Variants in CUBN observed in about 807,000 individuals in gnomAD.
The protein encoded by CUBN is cubilin.
CUBN carries 282 observed loss-of-function variants against 405.3 expected under a neutral mutation model. The observed-to-expected ratio is 0.70, with a 90% CI of 0.63 to 0.77. The LOEUF (loss-of-function observed/expected upper bound fraction) is 0.77. Among genes scored for constraint, CUBN ranks in the 30% least tolerant of loss-of-function variants. CUBN has a pLI of 0.00. For missense variants in CUBN, 4,514 were observed against 4,475.2 expected, an observed-to-expected ratio of 1.01 and a Z score of -0.25; for synonymous variants, 1,684 against 1,617.0, an observed-to-expected ratio of 1.04 and a Z score of -0.99.
At chr10:16,870,688 A>G (rs576520792) in intron 58 of CUBN, among the ~76,000 whole-genome samples, 1 of 152,372 alleles carries the variant, frequency 6.6e-6, no homozygotes, top group Non-Finnish European at 1.5e-5. Context: ...TTGGATGACC[A>G]CGATGAGCAG....
chr10:16,901,186 A>T, intron 52 of CUBN, 152 bp downstream of exon 52: 1 of 1,083,890 alleles, frequency 9.2e-7, no homozygotes, highest in Non-Finnish European at 1.4e-6. Context: ...TATGTGCTCT[A>T]GTGAGAAAAT....
chr10:17,012,429 A>C (rs1205560845), intron 28 of CUBN, among the ~76,000 whole-genome samples: 1 of 152,224 alleles, frequency 6.6e-6, no homozygotes, highest in African/African-American at 2.4e-5. Flanking sequence ...CTCCTTTCTC[A>C]GCAGTGAGGA....
chr10:17,085,193 C>T (rs1836078442), intron 16 of CUBN, among the ~76,000 whole-genome samples: 1 of 152,158 alleles, frequency 6.6e-6, no homozygotes, highest in South Asian at 2.1e-4. Context: ...GAGTCTGGGA[C>T]ACTGTGATGC....
chr10:17,113,122 G>A (rs111599137), intron 8 of CUBN, among the ~76,000 whole-genome samples: 3,420 of 151,982 alleles, frequency 0.023, 134 homozygotes, highest in African/African-American at 0.078. Context: ...AAAATTAGCC[G>A]GGTGTGGTGA....
At chr10:16,908,428 A>G (rs529115680) in intron 48 of CUBN, among the ~76,000 whole-genome samples, 6 of 152,360 alleles carry the variant, frequency 3.9e-5, no homozygotes, top group African/African-American at 1.2e-4. Context: ...TACTGGTGTG[A>G]GCCACAGCAC....
At chr10:16,876,023 G>C (rs1276339129) in intron 57 of CUBN, among the ~76,000 whole-genome samples, 3 of 152,324 alleles carry the variant, frequency 2.0e-5, no homozygotes, top group African/African-American at 7.2e-5. Context: ...GATGCCGATA[G>C]CAGCTAATGT....
In CUBN at chr10:16,898,995, C is replaced by A. The variant is rs749516313; in HGVS notation, c.8598+1G>T. ...CCAATTAAATGAACAAGTGTACTAA[C>A]CTTCACGAAGCTATTCTGACATTGT... is the stretch of plus-strand genomic sequence containing the variant. On this transcript the variant is annotated splice_donor_variant, in intron 54 of 66. Coordinates refer to ENST00000377833, the MANE Select transcript of CUBN (RefSeq NM_001081.4). LOFTEE classifies it high-confidence loss of function. 3.1e-6 allele frequency: 5 copies of A among 1,603,502 alleles called. No homozygotes were observed. The African/African-American group carries it at 5.4e-5, about 17-fold the overall frequency.
chr10:17,023,731 C>T (rs1431921597), intron 27 of CUBN: 2 of 396,836 alleles, frequency 5.0e-6, no homozygotes, highest in African/African-American at 4.1e-5. Context: ...AATTGAGTTA[C>T]AGAAAGGAAA....
chr10:17,064,962 T>C (rs1227871435), intron 22 of CUBN, among the ~76,000 whole-genome samples: 1 of 152,232 alleles, frequency 6.6e-6, no homozygotes, highest in East Asian at 1.9e-4. Context: ...TTTTTATACA[T>C]TGTTATTCTG....
chr10:16,878,770 A>G (rs1030326188), intron 56 of CUBN, among the ~76,000 whole-genome samples: 18 of 152,122 alleles, frequency 1.2e-4, no homozygotes, highest in Admixed American at 6.5e-4. Context: ...TTCCGCCTCT[A>G]TGGATTTGTC....
intron 31 of CUBN, among the ~76,000 whole-genome samples, chr10:16,978,433 C>T (rs1024859032): frequency 6.6e-5 from 10 of 152,334 alleles, no homozygotes; most frequent in East Asian, 5.8e-4. Context: ...GGATGTTCTA[C>T]GCTTTCAGTC....
At chr10:16,844,802 C>G (rs546962476) in intron 60 of CUBN, among the ~76,000 whole-genome samples, 1 of 152,244 alleles carries the variant, frequency 6.6e-6, no homozygotes, top group African/African-American at 2.4e-5. Context: ...CCAGGTTGCC[C>G]TACAATGCGT....
chr10:16,937,270 T>G (rs1015012860), intron 39 of CUBN, among the ~76,000 whole-genome samples: 7 of 152,122 alleles, frequency 4.6e-5, no homozygotes, highest in Admixed American at 4.6e-4. Context: ...TGTGTGTGTG[T>G]GAATGTACAT....
chr10:17,020,122 A>T (rs1019656035), intron 27 of CUBN, 139 bp from the exon 28 acceptor site: 2 of 822,958 alleles, frequency 2.4e-6, no homozygotes, highest in Non-Finnish European at 4.1e-6. Flanking sequence ...GAGTACACAG[A>T]ACTCAACATA....
At chr10:16,976,978 A>G (rs1202242109) in intron 31 of CUBN, among the ~76,000 whole-genome samples, 1 of 152,084 alleles carries the variant, frequency 6.6e-6, no homozygotes, top group South Asian at 2.1e-4. Flanking sequence ...TCTCAGTTTG[A>G]CTTTTATTTC....
chr10:17,009,556 G>A (rs374596624), intron 28 of CUBN, among the ~76,000 whole-genome samples: 9 of 152,202 alleles, frequency 5.9e-5, no homozygotes, highest in East Asian at 1.9e-4. Flanking sequence ...GAGGGGAGAG[G>A]AAGCAGCCAC....
intron 22 of CUBN, among the ~76,000 whole-genome samples, chr10:17,049,066 T>C (rs1040448386): frequency 6.6e-6 from 1 of 152,194 alleles, no homozygotes; most frequent in Non-Finnish European, 1.5e-5. Context: ...AAAAGTATGC[T>C]TCTCTGTAGT....
intron 56 of CUBN, among the ~76,000 whole-genome samples, chr10:16,879,572 C>T (rs561978459): frequency 1.3e-5 from 2 of 152,322 alleles, no homozygotes; most frequent in Non-Finnish European, 2.9e-5. Context: ...TACAAGAGCA[C>T]GCTGACAAAA....
intron 14 of CUBN, among the ~76,000 whole-genome samples, chr10:17,094,221 G>T (rs1836325139): frequency 1.3e-5 from 2 of 151,970 alleles, no homozygotes; most frequent in South Asian, 4.1e-4. Flanking sequence ...TACTGCTGAG[G>T]TTCCTCTCCC....
Sources: gnomAD v4.1 joint callset for allele counts (sites outside exome capture counted in the v4.1 genomes callset) on GRCh38, gnomAD v4.1.1 for gene constraint, MANE v1.5 for transcripts, NCBI Gene and HGNC (gene_info 2026-07-23, HGNC 2026-07-21) for gene names.